CYFIP2: variants seen among roughly 807,000 people sequenced by gnomAD.
The protein encoded by CYFIP2 is cytoplasmic FMR1 interacting protein 2.
A neutral mutation model predicts 158.7 loss-of-function variants in CYFIP2; 29 were observed. The ratio of observed to expected loss-of-function variants is 0.18; its 90% CI spans 0.14 to 0.25. The LOEUF is 0.25. Ranked by LOEUF, CYFIP2 falls within the 10% of genes least tolerant of loss-of-function variation. The probability of loss-of-function intolerance (pLI) is 1.00; values close to 1 mark genes in which losing one functional copy is unlikely to be tolerated. For missense variants in CYFIP2, 852 were observed against 1,639.5 expected (o/e 0.52, Z 8.29); for synonymous variants, 585 against 617.6 (o/e 0.95, Z 0.78).
intron 1 of CYFIP2, 117 bp from the exon 2 acceptor site, chr5:157,285,222 G>A (rs1333445877): frequency 4.6e-6 from 3 of 653,568 alleles, no homozygotes; most frequent in Non-Finnish European, 5.4e-6. Flanking sequence ...GAGTGGAAGT[G>A]GCCTCAATGC....
At chr5:157,369,878 A>ATTTTT (rs1561774656) in intron 26 of CYFIP2, among the ~76,000 whole-genome samples, 2 of 69,396 alleles carry the variant, frequency 2.9e-5, no homozygotes, top group Admixed American at 1.4e-4. Context: ...GAATGGACCT[A>ATTTTT]GTTTTTTTTT....
At chr5:157,323,057 C>T in intron 15 of CYFIP2, 6 of 1,525,756 alleles carry the variant, frequency 3.9e-6, no homozygotes, top group Non-Finnish European at 4.4e-6. Context: ...GTACCCTTCT[C>T]GAGGAGGCAG....
At chr5:157,315,808 G>A (rs903708888) in intron 13 of CYFIP2, among the ~76,000 whole-genome samples, 7 of 152,190 alleles carry the variant, frequency 4.6e-5, no homozygotes, top group Non-Finnish European at 1.0e-4. Flanking sequence ...TCTAAAAAAG[G>A]TATACCATGG....
chr5:157,359,892 G>A (rs1763685322), intron 24 of CYFIP2, among the ~76,000 whole-genome samples: 1 of 152,174 alleles, frequency 6.6e-6, no homozygotes, highest in Non-Finnish European at 1.5e-5. Flanking sequence ...AAGAAAATGT[G>A]GTAATTGATT....
At chr5:157,372,762 A>G (rs1430693123) in intron 26 of CYFIP2, among the ~76,000 whole-genome samples, 1 of 152,226 alleles carries the variant, frequency 6.6e-6, no homozygotes, top group African/African-American at 2.4e-5. Flanking sequence ...AGAAAGACAA[A>G]TGAAGCCAGG....
chr5:157,389,113 T>G, intron 28 of CYFIP2, 76 bp from the exon 29 acceptor site: 1 of 1,408,956 alleles, frequency 7.1e-7, no homozygotes. Context: ...GCTCCAGAGT[T>G]CGGGAATCTG....
intron 5 of CYFIP2, among the ~76,000 whole-genome samples, chr5:157,299,919 C>CA (rs1315259688): frequency 1.3e-5 from 2 of 152,068 alleles, no homozygotes; most frequent in African/African-American, 4.8e-5. Context: ...CAAAACAAAA[C>CA]AAAAAACTAG....
intron 1 of CYFIP2, among the ~76,000 whole-genome samples, chr5:157,270,141 C>T (rs1353463517): frequency 3.9e-5 from 6 of 152,150 alleles, no homozygotes; most frequent in South Asian, 4.1e-4. Flanking sequence ...GACCTTCTTG[C>T]GAGATGCCTG....
At chr5:157,274,005 G>C (rs1259291469) in intron 1 of CYFIP2, among the ~76,000 whole-genome samples, 2 of 151,976 alleles carry the variant, frequency 1.3e-5, no homozygotes, top group Non-Finnish European at 2.9e-5. Context: ...CATGGTGGCA[G>C]GTGCCTGTAA....
At chr5:157,337,520 T>G (rs1761946408) in intron 21 of CYFIP2, among the ~76,000 whole-genome samples, 1 of 152,232 alleles carries the variant, frequency 6.6e-6, no homozygotes, top group Non-Finnish European at 1.5e-5. Context: ...CATGTGTGTT[T>G]GCAAGCCTTC....
At chr5:157,373,327 G>A (rs1258492674) in intron 26 of CYFIP2, among the ~76,000 whole-genome samples, 1 of 152,158 alleles carries the variant, frequency 6.6e-6, no homozygotes, top group East Asian at 1.9e-4. Context: ...CTACCTTAAG[G>A]CTTGTTGACA....
chr5:157,347,435 C>G (rs1762776598), intron 23 of CYFIP2, among the ~76,000 whole-genome samples: 1 of 152,158 alleles, frequency 6.6e-6, no homozygotes, highest in Non-Finnish European at 1.5e-5. Context: ...TGCTCTGCAG[C>G]TTGCCCATGG....
intron 12 of CYFIP2, 56 bp from the exon 13 acceptor site, chr5:157,314,913 T>G: frequency 7.4e-7 from 1 of 1,354,076 alleles, no homozygotes; most frequent in Non-Finnish European, 1.0e-6. Flanking sequence ...ATCCACCACA[T>G]TCTGTTTGTC....
intron 19 of CYFIP2, among the ~76,000 whole-genome samples, chr5:157,329,533 T>C (rs1024072539): frequency 6.6e-6 from 1 of 152,226 alleles, no homozygotes; most frequent in Non-Finnish European, 1.5e-5. Flanking sequence ...CAAAATGCCA[T>C]GTGGCCACAA....
chr5:157,323,148 A>C, intron 15 of CYFIP2: 1 of 886,104 alleles, frequency 1.1e-6, no homozygotes, highest in Non-Finnish European at 1.7e-6. Flanking sequence ...GATCTAGATT[A>C]GCAAAGAGAA....
chr5:157,339,277 A>C, intron 22 of CYFIP2, 21 bp downstream of exon 22: 119 of 1,225,412 alleles, frequency 9.7e-5, no homozygotes, highest in Non-Finnish European at 1.2e-4. Flanking sequence ...CCCTGTGCAG[A>C]GGGGGCCGGG....
chr5:157,300,999 C>G (rs1758699873), intron 6 of CYFIP2, 103 bp downstream of exon 6: 1 of 1,049,072 alleles, frequency 9.5e-7, no homozygotes, highest in African/African-American at 1.6e-5. Context: ...CCTGCTTTTT[C>G]TTTGATACCA....
At chr5:157,275,825 A>C (rs1756498529) in intron 1 of CYFIP2, among the ~76,000 whole-genome samples, 2 of 152,250 alleles carry the variant, frequency 1.3e-5, no homozygotes, top group African/African-American at 4.8e-5. Flanking sequence ...TAATATTTTC[A>C]ACAAGGTTTT....
At chr5:157,318,252 G>T (rs1363476668) in intron 13 of CYFIP2, among the ~76,000 whole-genome samples, 1 of 152,186 alleles carries the variant, frequency 6.6e-6, no homozygotes, top group East Asian at 1.9e-4. Context: ...TTATTTGGTG[G>T]TTAGTGATTT....
Sources: allele counts gnomAD v4.1 joint callset (sites outside exome capture counted in the v4.1 genomes callset), GRCh38; gene constraint gnomAD v4.1.1; transcripts MANE v1.5; gene names NCBI Gene and HGNC (gene_info 2026-07-23, HGNC 2026-07-21).